Variants in HSD17B3 observed in about 807,000 individuals in gnomAD.
HSD17B3 encodes hydroxysteroid 17-beta dehydrogenase 3.
Under a neutral mutation model 41.1 loss-of-function variants are expected in HSD17B3, and 29 were observed. That is an observed-to-expected ratio of 0.71 (90% CI 0.53 to 0.96). The LOEUF (loss-of-function observed/expected upper bound fraction) is 0.96, where lower values mean the gene tolerates loss of function less well. HSD17B3 is among the 40% of genes least tolerant of loss of function. The pLI, the probability that HSD17B3 is intolerant of heterozygous loss-of-function variation, is 0.00. For missense variants in HSD17B3, 323 were observed against 374.6 expected (o/e 0.86, Z 1.14); for synonymous variants, 126 against 145.6 (o/e 0.87, Z 0.97).
At chr9:96,251,605 T>C (rs1207005909) in intron 4 of HSD17B3, 120 bp from the exon 5 acceptor site, 13 of 886,080 alleles carry the variant, frequency 1.5e-5, no homozygotes, top group Admixed American at 2.0e-5. Flanking sequence ...TTGGTAACGG[T>C]GAGGAAACTG....
At chr9:96,287,989 C>T (rs760386515) in intron 2 of HSD17B3, among the ~76,000 whole-genome samples, 21 of 152,020 alleles carry the variant, frequency 1.4e-4, no homozygotes, top group Non-Finnish European at 2.9e-4. Flanking sequence ...GAGCTATTGA[C>T]ACATGCTACA....
At chr9:96,265,222 T>C (rs1370366508) in intron 2 of HSD17B3, among the ~76,000 whole-genome samples, 3 of 152,228 alleles carry the variant, frequency 2.0e-5, no homozygotes, top group Non-Finnish European at 4.4e-5. Flanking sequence ...ACATGGTCAA[T>C]AGCCCTTAGA....
At position 96,238,753 on chromosome 9, in the gene HSD17B3, G is replaced by A. The variant is rs537385743; in HGVS notation, c.822+2005C>T. ...CGTGGTCAGAAGTGTGTCCTCTGTC[G>A]GGTGTGAGCTCTGGCCTAGGCTGGG... On this transcript the variant is annotated intron_variant, in intron 10 of 10. Transcript: ENST00000375263. Among the ~76,000 whole-genome samples, 24 of 152,334 alleles carry A rather than the reference G, an allele frequency of 1.6e-4. No homozygotes were observed. The South Asian group carries it at 2.5e-3, about 16-fold the overall frequency.
In HSD17B3 at chr9:96,282,992, C is replaced by CTTTTTT. The variant is rs58397134; in HGVS notation, c.201+15418_201+15423dup. On this transcript the variant is annotated intron_variant, in intron 2 of 10. Transcript: ENST00000375263. ...GAATAAAAGCACAACAGGTTTCTTT[C>CTTTTTT]TTTTTTTTTTTTTTTTTTTTTTTTT... is the stretch of plus-strand genomic sequence containing the variant. 3.0e-3 allele frequency among the ~76,000 whole-genome samples: 216 copies of CTTTTTT among 71,692 alleles called. 8 individuals carry two copies. Among genetic ancestry groups the CTTTTTT allele is most frequent in the Non-Finnish European group, 4.0e-3 (151 of 37,326 alleles). The allele number at this position is 71,692 out of a possible 152,430, so 47.0% of individuals were successfully genotyped here.
At chr9:96,266,497 T>G (rs1423926499) in intron 2 of HSD17B3, among the ~76,000 whole-genome samples, 1 of 152,112 alleles carries the variant, frequency 6.6e-6, no homozygotes, top group East Asian at 1.9e-4. Flanking sequence ...CTCAAACTCC[T>G]GGCCTCAAGC....
intron 2 of HSD17B3, among the ~76,000 whole-genome samples, chr9:96,285,269 G>A (rs916645349): frequency 7.2e-5 from 11 of 152,170 alleles, no homozygotes; most frequent in East Asian, 1.9e-4. Context: ...ATGGGAAAAC[G>A]GAGAGAGAAA....
At chr9:96,238,671 A>G (rs1181785163) in intron 10 of HSD17B3, among the ~76,000 whole-genome samples, 3 of 152,028 alleles carry the variant, frequency 2.0e-5, no homozygotes, top group Non-Finnish European at 4.4e-5. Flanking sequence ...AAAAAAAAAG[A>G]TCTGTAATTT....
chr9:96,265,317 G>A (rs969037691), intron 2 of HSD17B3, among the ~76,000 whole-genome samples: 1 of 152,212 alleles, frequency 6.6e-6, no homozygotes, highest in Non-Finnish European at 1.5e-5. Flanking sequence ...TTGCTTAAAT[G>A]CTGTTCACTC....
At chr9:96,269,464 G>C (rs1826157454) in intron 2 of HSD17B3, among the ~76,000 whole-genome samples, 1 of 152,098 alleles carries the variant, frequency 6.6e-6, no homozygotes, top group Admixed American at 6.5e-5. Context: ...CAGAGGAAAG[G>C]ATAATTAAAT....
At chr9:96,246,481 C>A in intron 7 of HSD17B3, 75 bp downstream of exon 7, 1 of 1,268,198 alleles carries the variant, frequency 7.9e-7, no homozygotes, top group South Asian at 1.2e-5. Flanking sequence ...GACTCTGTGT[C>A]CCCAGTCCCT....
At chr9:96,268,769 C>G (rs1174537850) in intron 2 of HSD17B3, among the ~76,000 whole-genome samples, 1 of 152,006 alleles carries the variant, frequency 6.6e-6, no homozygotes, top group Non-Finnish European at 1.5e-5. Context: ...GCCAACATAG[C>G]AAAACCCTGT....
At chr9:96,276,292 A>C (rs1474212255) in intron 2 of HSD17B3, among the ~76,000 whole-genome samples, 1 of 152,122 alleles carries the variant, frequency 6.6e-6, no homozygotes, top group African/African-American at 2.4e-5. Context: ...ATGGATTAGA[A>C]GATAGAAGAA....
At chr9:96,240,980 A>G in intron 9 of HSD17B3, 73 bp from the exon 10 acceptor site, 7 of 1,573,658 alleles carry the variant, frequency 4.4e-6, no homozygotes, top group Non-Finnish European at 6.1e-6. Flanking sequence ...TTAACACTCA[A>G]GCCCCCATCC....
chr9:96,248,413 T>C (rs1836758837), intron 6 of HSD17B3, among the ~76,000 whole-genome samples: 1 of 152,220 alleles, frequency 6.6e-6, no homozygotes, highest in Non-Finnish European at 1.5e-5. Context: ...CAACCTGGCT[T>C]TCTTTGGGAA....
intron 6 of HSD17B3, among the ~76,000 whole-genome samples, 179 bp from the exon 7 acceptor site, chr9:96,246,769 G>A (rs1255009008): frequency 2.6e-5 from 4 of 152,170 alleles, no homozygotes; most frequent in Admixed American, 1.3e-4. Context: ...AGTCTGCCTG[G>A]AACCCACAGG....
At chr9:96,266,916 C>G (rs934773369) in intron 2 of HSD17B3, among the ~76,000 whole-genome samples, 3 of 152,100 alleles carry the variant, frequency 2.0e-5, no homozygotes, top group Non-Finnish European at 4.4e-5. Flanking sequence ...TCTGCGGAAT[C>G]TGACCCACCC....
intron 8 of HSD17B3, 151 bp downstream of exon 8, chr9:96,245,194 T>C (rs1564025498): frequency 1.2e-5 from 9 of 753,626 alleles, no homozygotes; most frequent in Non-Finnish European, 1.9e-5. Context: ...TAATTTTCTC[T>C]TGGACTTCCC....
intron 2 of HSD17B3, among the ~76,000 whole-genome samples, chr9:96,287,363 T>C (rs1390022349): frequency 1.3e-5 from 2 of 152,140 alleles, no homozygotes; most frequent in African/African-American, 4.8e-5. Context: ...ACAAGGGTGC[T>C]CCAGCTGCTA....
chr9:96,284,093 G>A (rs1826811446), intron 2 of HSD17B3, among the ~76,000 whole-genome samples: 1 of 151,732 alleles, frequency 6.6e-6, no homozygotes, highest in Non-Finnish European at 1.5e-5. Context: ...ATGGTGGCAG[G>A]TGCCTGTAGT....
Sources: allele counts gnomAD v4.1 joint callset (sites outside exome capture counted in the v4.1 genomes callset), GRCh38; gene constraint gnomAD v4.1.1; transcripts MANE v1.5; gene names NCBI Gene and HGNC (gene_info 2026-07-23, HGNC 2026-07-21).